FGFR2: variants seen among roughly 807,000 people sequenced by gnomAD.
The protein encoded by FGFR2 is fibroblast growth factor receptor 2.
In FGFR2, 19 loss-of-function variants were observed where a neutral mutation model predicts 95.9. The ratio of observed to expected loss-of-function variants is 0.20; its 90% confidence interval spans 0.14 to 0.29. The LOEUF (loss-of-function observed/expected upper bound fraction) is 0.29. FGFR2 is among the 10% of genes least tolerant of loss of function. The pLI, the probability that FGFR2 is intolerant of heterozygous loss-of-function variation, is 1.00. For synonymous variants in FGFR2, 392 were observed against 393.3 expected (o/e 1.00, Z 0.04); for missense variants, 707 against 1,056.9 (o/e 0.67, Z 4.59).
chr10:121,509,094 CT>C (rs552788182), intron 9 of FGFR2, among the ~76,000 whole-genome samples: 208 of 152,352 alleles, frequency 1.4e-3, no homozygotes, highest in African/African-American at 4.8e-3. Context: ...ATTCTCTTTT[CT>C]TTTGCACAAA....
At chr10:121,595,878 T>C (rs1863365598) in intron 1 of FGFR2, among the ~76,000 whole-genome samples, 1 of 152,204 alleles carries the variant, frequency 6.6e-6, no homozygotes, top group African/African-American at 2.4e-5. Flanking sequence ...ACTAGAAATT[T>C]GCATTTCAGC....
Position 121,593,653 on chromosome 10 carries a change from A to G in FGFR2, c.109+56T>C, listed in dbSNP as rs545825300. 121 of 1,491,924 alleles carry G rather than the reference A, an allele frequency of 8.1e-5. 3 individuals are homozygous for G. The South Asian group carries it at 1.4e-3, about 17-fold the overall frequency. 92.4% of individuals were successfully genotyped at this position (1,491,924 alleles called of 1,614,324 possible). Reference sequence around the variant, plus strand: ...GCTGATTCTAAAACAGGCCTTAACAATCTGCCCCCAGACAAATCCCAAAAC... The same window carrying G: ...GCTGATTCTAAAACAGGCCTTAACAGTCTGCCCCCAGACAAATCCCAAAAC... On this transcript the variant is annotated intron_variant, in intron 2 of 17. Transcript: ENST00000358487.
chr10:121,493,043 G>T (rs1315862580), intron 13 of FGFR2, among the ~76,000 whole-genome samples: 1 of 152,124 alleles, frequency 6.6e-6, no homozygotes, highest in African/African-American at 2.4e-5. Flanking sequence ...CTTCTCAGAA[G>T]TGAGGACATC....
rs112694851 is a variant in FGFR2, at chr10:121,504,089, G to C, written c.1288-148C>G. On this transcript the variant is annotated intron_variant, in intron 9 of 17. Coordinates refer to ENST00000358487, the MANE Select transcript of FGFR2 (RefSeq NM_000141.5). The stretch of plus-strand genomic sequence containing the variant: ...CAGAAACCAAATTAGAAAACCACTG[G>C]AATCTAACTCCTCTGCCCTCCAGTC... 58 of 844,746 alleles carry C rather than the reference G, an allele frequency of 6.9e-5. No homozygotes were observed. The African/African-American group carries it at 7.6e-4, about 11-fold the overall frequency. 52.3% of individuals were successfully genotyped at this position (844,746 alleles called of 1,614,324 possible). A position where few individuals can be genotyped will look rare whatever the true frequency, so the allele number is the denominator to read the frequency against.
intron 2 of FGFR2, among the ~76,000 whole-genome samples, chr10:121,580,437 T>C (rs1375946532): frequency 6.7e-6 from 1 of 149,504 alleles, no homozygotes; most frequent in African/African-American, 2.5e-5. Context: ...TTGAACGGTC[T>C]GCTTGAGGCT....
intron 6 of FGFR2, among the ~76,000 whole-genome samples, chr10:121,529,055 T>C (rs1022773405): frequency 6.6e-6 from 1 of 152,090 alleles, no homozygotes; most frequent in Non-Finnish European, 1.5e-5. Flanking sequence ...GCCTCTAGAA[T>C]AACTGGGACT....
At chr10:121,512,750 C>T (rs528810951) in intron 9 of FGFR2, among the ~76,000 whole-genome samples, 121 of 152,008 alleles carry the variant, frequency 8.0e-4, no homozygotes, top group African/African-American at 2.9e-3. Flanking sequence ...ATTTATACCC[C>T]GCACTTAGTA....
intron 6 of FGFR2, among the ~76,000 whole-genome samples, chr10:121,524,280 T>G (rs1468232697): frequency 6.6e-6 from 1 of 151,936 alleles, no homozygotes; most frequent in Non-Finnish European, 1.5e-5. Flanking sequence ...CCACCTCCAC[T>G]CCCCCTCCGC....
rs537506960 is a variant in FGFR2, at chr10:121,571,650, AC to A, written c.110-5947del. Among the ~76,000 whole-genome samples the A allele has an allele frequency of 8.4e-3, 1,273 of 151,042 alleles. 14 individuals carry two copies. Among genetic ancestry groups the A allele is most frequent in the Middle Eastern group, 0.014 (4 of 294 alleles). Reference sequence around the variant, plus strand: ...AACAAACAAACAAACAAACAAACAAACAAAAACGACTGGCCGGGCGCGGTGG... The same window carrying A: ...AACAAACAAACAAACAAACAAACAAAAAAAACGACTGGCCGGGCGCGGTGG... On this transcript the variant is annotated intron_variant, in intron 2 of 17. Transcript: ENST00000358487.
At chr10:121,512,627 T>C (rs1849200811) in intron 9 of FGFR2, among the ~76,000 whole-genome samples, 1 of 152,104 alleles carries the variant, frequency 6.6e-6, no homozygotes, top group Non-Finnish European at 1.5e-5. Context: ...ACTCCTGGGT[T>C]CAAAGGATCC....
rs1234130062 is a variant in FGFR2 at position 121,531,885 on chromosome 10, G to A, written c.748+6707C>T. Among the ~76,000 whole-genome samples, 3 of 152,166 alleles carry A rather than the reference G, an allele frequency of 2.0e-5. No homozygotes were observed. Among genetic ancestry groups the A allele is most frequent in the South Asian group, 2.1e-4 (1 of 4,826 alleles). The stretch of plus-strand genomic sequence containing the variant: ...AGATGGCTGCTGGGGACACGAAAGC[G>A]GCAAAAGGAAGGTGCTTCCTCCTCA... On this transcript the variant is annotated intron_variant, in intron 6 of 17. Coordinates refer to ENST00000358487, the MANE Select transcript of FGFR2 (RefSeq NM_000141.5). The surrounding 1 kb of genome is among the most constrained non-coding windows in gnomAD (Gnocchi z 4.5).
intron 6 of FGFR2, among the ~76,000 whole-genome samples, chr10:121,529,062 G>A (rs1175756325): frequency 1.3e-5 from 2 of 152,096 alleles, no homozygotes; most frequent in South Asian, 4.1e-4. Flanking sequence ...GAATAACTGG[G>A]ACTACAGGTG....
intron 5 of FGFR2, among the ~76,000 whole-genome samples, chr10:121,540,595 C>G (rs1044780239): frequency 2.0e-5 from 3 of 152,132 alleles, no homozygotes; most frequent in Non-Finnish European, 4.4e-5. Context: ...TCCACAGACC[C>G]AAAAGGAGAC....
Position 121,593,891 on chromosome 10 carries a change from C to T in FGFR2, c.-74G>A, listed in dbSNP as rs4647922. On this transcript the variant is annotated 5_prime_UTR_variant, in exon 2 of 18. Transcript: ENST00000358487. ...TAATCCCATCTGCACACTTCCTCTACGGGCATGGACTACGCGCAATGCCTT... is the reference window on the plus strand; with the variant it reads ...TAATCCCATCTGCACACTTCCTCTATGGGCATGGACTACGCGCAATGCCTT... 4.2e-3 allele frequency: 5,754 copies of T among 1,378,432 alleles called. 26 individuals are homozygous for T. Among genetic ancestry groups the T allele is most frequent in the Middle Eastern group, 0.016 (92 of 5,604 alleles). 85.4% of individuals were successfully genotyped at this position (1,378,432 alleles called of 1,614,324 possible).
Position 121,592,358 on chromosome 10 carries a change from C to T in FGFR2, c.109+1351G>A, listed in dbSNP as rs558651762. On this transcript the variant is annotated intron_variant, in intron 2 of 17. Coordinates refer to ENST00000358487, the MANE Select transcript of FGFR2 (RefSeq NM_000141.5). ...AATCACCAAGAGGCAGTTCCATAATCGGCCTGTAGCTGTAGCTATACAAGC... is the reference window on the plus strand; with the variant it reads ...AATCACCAAGAGGCAGTTCCATAATTGGCCTGTAGCTGTAGCTATACAAGC... Among the ~76,000 whole-genome samples, 141 of 152,294 alleles carry T rather than the reference C, an allele frequency of 9.3e-4. 1 individual carries two copies. The highest frequency in any genetic ancestry group is 2.4e-3 in the African/African-American group (98 of 41,560).
intron 6 of FGFR2, among the ~76,000 whole-genome samples, chr10:121,521,842 T>C (rs547441578): frequency 1.3e-5 from 2 of 152,342 alleles, no homozygotes; most frequent in East Asian, 3.9e-4. Context: ...AATCAGGATC[T>C]GCACTCCTAT....
chr10:121,481,858 A>AT (rs1844762855), intron 17 of FGFR2: 5 of 156,100 alleles, frequency 3.2e-5, no homozygotes, highest in Admixed American at 3.1e-4. Context: ...TTTTTTTGAG[A>AT]CGGAGTCTCG....
chr10:121,553,887 C>T (rs1358839594), intron 4 of FGFR2, among the ~76,000 whole-genome samples: 2 of 152,214 alleles, frequency 1.3e-5, no homozygotes, highest in Non-Finnish European at 2.9e-5. Flanking sequence ...ATGGGTGAGT[C>T]TGTAACAGCC....
chr10:121,589,985 C>CA (rs1387754078), intron 2 of FGFR2, among the ~76,000 whole-genome samples: 1 of 152,160 alleles, frequency 6.6e-6, no homozygotes, highest in Non-Finnish European at 1.5e-5. Context: ...ATGGCATTTA[C>CA]AATACTTCTA....
Sources: gnomAD v4.1 joint callset for allele counts (sites outside exome capture counted in the v4.1 genomes callset) on GRCh38, gnomAD v4.1.1 for gene constraint, Gnocchi (gnomAD v3.1) non-coding constraint, MANE v1.5 for transcripts, NCBI Gene and HGNC (gene_info 2026-07-23, HGNC 2026-07-21) for gene names.